The following RIT2 variants were observed in gnomAD, a reference collection of about 807,000 sequenced individuals.
RIT2 encodes Ras like without CAAX 2.
Under a neutral mutation model 23.7 loss-of-function variants are expected in RIT2, and 24 were observed. The observed-to-expected ratio is 1.01, with a 90% CI of 0.73 to 1.43. The LOEUF is 1.43. RIT2 is among the 40% of genes most tolerant of loss of function. The probability of loss-of-function intolerance (pLI) is 0.00; values close to 1 mark genes in which losing one functional copy is unlikely to be tolerated. For synonymous variants in RIT2, 107 were observed against 91.1 expected, an observed-to-expected ratio of 1.17 and a Z score of -0.99; for missense variants, 236 against 266.9, an observed-to-expected ratio of 0.88 and a Z score of 0.81.
intron 4 of RIT2, among the ~76,000 whole-genome samples, chr18:42,907,245 G>C (rs547201505): frequency 6.6e-6 from 1 of 152,112 alleles, no homozygotes; most frequent in Non-Finnish European, 1.5e-5. Context: ...GACAAGTGTA[G>C]AGGTCACAAG....
intron 3 of RIT2, among the ~76,000 whole-genome samples, chr18:42,958,566 A>T (rs1183612423): frequency 6.6e-6 from 1 of 152,156 alleles, no homozygotes; most frequent in Non-Finnish European, 1.5e-5. Context: ...GGAGATGAGG[A>T]CAAGCTTGAT....
chr18:42,890,689 G>A (rs1044542088), intron 4 of RIT2, among the ~76,000 whole-genome samples: 1 of 151,966 alleles, frequency 6.6e-6, no homozygotes, highest in African/African-American at 2.4e-5. Flanking sequence ...CTAAATAATG[G>A]CCAAGGACAT....
intron 4 of RIT2, among the ~76,000 whole-genome samples, chr18:42,854,602 T>C (rs1040490792): frequency 6.6e-6 from 1 of 152,166 alleles, no homozygotes; most frequent in Non-Finnish European, 1.5e-5. Flanking sequence ...ACAAACATAG[T>C]TTTATTTCTC....
At chr18:42,881,725 C>T (rs1331602062) in intron 4 of RIT2, among the ~76,000 whole-genome samples, 1 of 152,268 alleles carries the variant, frequency 6.6e-6, no homozygotes, top group South Asian at 2.1e-4. Flanking sequence ...TGGTTATGTG[C>T]CCCTCTTCTG....
At chr18:43,110,321 C>A (rs1033246205) in intron 1 of RIT2, among the ~76,000 whole-genome samples, 1 of 151,658 alleles carries the variant, frequency 6.6e-6, no homozygotes, top group African/African-American at 2.4e-5. Context: ...GAATAAATCC[C>A]AAATGCAGAT....
chr18:42,920,357 G>A (rs1909023643), intron 4 of RIT2, among the ~76,000 whole-genome samples: 1 of 152,172 alleles, frequency 6.6e-6, no homozygotes, highest in Admixed American at 6.5e-5. Context: ...GTTATTGAAT[G>A]TATCAGAGAT....
At chr18:42,829,142 C>G (rs561571312) in intron 4 of RIT2, among the ~76,000 whole-genome samples, 20 of 152,038 alleles carry the variant, frequency 1.3e-4, no homozygotes, top group Non-Finnish European at 1.9e-4. Flanking sequence ...GAGCCAGAAG[C>G]CTGACTATCC....
At chr18:43,094,176 C>T (rs1418451223) in intron 1 of RIT2, among the ~76,000 whole-genome samples, 37 of 134,704 alleles carry the variant, frequency 2.7e-4, no homozygotes, top group African/African-American at 9.7e-4. Context: ...TTCGGCATGG[C>T]TCTGATGGAA....
At chr18:42,813,516 A>G (rs772950682) in intron 4 of RIT2, among the ~76,000 whole-genome samples, 1 of 152,178 alleles carries the variant, frequency 6.6e-6, no homozygotes, top group Non-Finnish European at 1.5e-5. Context: ...CTAAACTTAT[A>G]TTTGTACATA....
intron 4 of RIT2, among the ~76,000 whole-genome samples, chr18:42,894,527 T>C (rs2144098576): frequency 6.6e-6 from 1 of 152,332 alleles, no homozygotes; most frequent in African/African-American, 2.4e-5. Flanking sequence ...AGTAGCAGTC[T>C]GATCAGTATA....
chr18:42,910,929 T>C (rs143215636), intron 4 of RIT2, among the ~76,000 whole-genome samples: 1,561 of 152,160 alleles, frequency 0.01, 23 homozygotes, highest in African/African-American at 0.036. Context: ...AATGAAACAT[T>C]AAACAACAAG....
chr18:43,030,632 T>C (rs1911831999), intron 2 of RIT2, among the ~76,000 whole-genome samples: 1 of 152,046 alleles, frequency 6.6e-6, no homozygotes, highest in Non-Finnish European at 1.5e-5. Context: ...CAAGTCCAAA[T>C]TGGAGATGGG....
At chr18:43,093,965 G>T (rs1017024692) in intron 1 of RIT2, among the ~76,000 whole-genome samples, 1 of 151,964 alleles carries the variant, frequency 6.6e-6, no homozygotes, top group Non-Finnish European at 1.5e-5. Context: ...ACTGGAACTG[G>T]GGTAAGGCAG....
At chr18:42,793,010 T>A (rs1006928895) in intron 4 of RIT2, among the ~76,000 whole-genome samples, 6 of 152,052 alleles carry the variant, frequency 3.9e-5, no homozygotes, top group Non-Finnish European at 7.4e-5. Context: ...ATACTGAAAG[T>A]TAGAAAATGC....
chr18:43,056,689 A>T (rs950977952), intron 1 of RIT2, among the ~76,000 whole-genome samples: 24 of 152,282 alleles, frequency 1.6e-4, no homozygotes, highest in African/African-American at 4.8e-4. Flanking sequence ...GCTTGGGAGC[A>T]AAAGCCAAAG....
chr18:42,751,205 T>C (rs1913037423), intron 4 of RIT2, among the ~76,000 whole-genome samples: 1 of 151,894 alleles, frequency 6.6e-6, no homozygotes, highest in Non-Finnish European at 1.5e-5. Flanking sequence ...GACCAAGATG[T>C]ATAGGAGTTA....
intron 3 of RIT2, among the ~76,000 whole-genome samples, chr18:42,963,799 G>A (rs566155095): frequency 7.9e-5 from 12 of 152,236 alleles, no homozygotes; most frequent in African/African-American, 2.9e-4. Flanking sequence ...GGGAAGCTGG[G>A]ACAGGAGAAT....
chr18:43,102,446 T>A (rs1322785465), intron 1 of RIT2, among the ~76,000 whole-genome samples: 1 of 48,188 alleles, frequency 2.1e-5, no homozygotes, highest in South Asian at 5.8e-4. Context: ...CAGGAAACCC[T>A]TTTTTTTTTT....
chr18:42,832,068 G>A (rs1015177679), intron 4 of RIT2, among the ~76,000 whole-genome samples: 1 of 152,128 alleles, frequency 6.6e-6, no homozygotes, highest in South Asian at 2.1e-4. Flanking sequence ...TAGGTTAAAG[G>A]CACATTCACA....
Sources: gnomAD v4.1 joint callset for allele counts (sites outside exome capture counted in the v4.1 genomes callset) on GRCh38, gnomAD v4.1.1 for gene constraint, MANE v1.5 for transcripts, NCBI Gene and HGNC (gene_info 2026-07-23, HGNC 2026-07-21) for gene names.